The following STK36 variants were observed in gnomAD, a reference collection of about 807,000 sequenced individuals.
STK36 encodes serine/threonine kinase 36, also known as serine/threonine-protein kinase 36.
Under a neutral mutation model 142.2 loss-of-function variants are expected in STK36, and 116 were observed. The ratio of observed to expected loss-of-function variants is 0.82; its 90% CI spans 0.70 to 0.95. STK36 has a LOEUF of 0.95. STK36 is among the 40% of genes least tolerant of loss of function. The probability of loss-of-function intolerance (pLI) is 0.00; values close to 1 mark genes in which losing one functional copy is unlikely to be tolerated. For missense variants in STK36, 1,422 were observed against 1,617.2 expected, an observed-to-expected ratio of 0.88 and a Z score of 2.07; for synonymous variants, 619 against 641.7, an observed-to-expected ratio of 0.96 and a Z score of 0.53.
rs766043209 is a variant in STK36, at chr2:218,699,036, G to A, written c.3492G>A (p.Lys1164=). Residue 1164 remains lysine, a synonymous_variant, in exon 26 of 27, where the codon AAG becomes AAA. Coordinates refer to ENST00000295709, the MANE Select transcript of STK36 (RefSeq NM_015690.5). The part of the protein sequence containing the change: ...LSLLLLGLGD[K]DPVVRCSASF... ...TTCTGCTGCTTGGGCTTGGAGACAA[G>A]GATCCTGTTGTGCGGTGCAGTGCCA... The A allele has an allele frequency of 3.7e-6, 6 of 1,614,160 alleles. No individual in the cohort carries two copies. In the East Asian group the frequency reaches 1.3e-4, roughly 36 times the overall value.
intron 21 of STK36, among the ~76,000 whole-genome samples, chr2:218,695,128 C>T (rs1941175465): frequency 6.6e-6 from 1 of 151,644 alleles, no homozygotes; most frequent in African/African-American, 2.4e-5. Context: ...TTTCCCAGGA[C>T]TTTTCTTCCT....
chr2:218,697,008 TC>T (rs763904399), intron 22 of STK36, 30 bp from the exon 23 acceptor site: 101 of 1,611,080 alleles, frequency 6.3e-5, no homozygotes, highest in Non-Finnish European at 3.1e-5. Context: ...CTTCTGTCTT[TC>T]CCCCCGCCCT....
At chr2:218,672,420 G>A (rs1940025749) in intron 1 of STK36, 2 of 295,830 alleles carry the variant, frequency 6.8e-6, no homozygotes, top group South Asian at 3.7e-5. Context: ...CTGAGAGCGG[G>A]TGCTGAGGAG....
rs1196372955 is a variant in STK36, at chr2:218,685,148, C to T, written c.1300C>T (p.Leu434=). 3 of 1,614,212 alleles carry T rather than the reference C, an allele frequency of 1.9e-6. No individual in the cohort carries two copies. Among genetic ancestry groups the T allele is most frequent in the Non-Finnish European group, 2.5e-6 (3 of 1,180,032 alleles). The change falls in exon 11 of 27, where the codon CTG becomes TTG. Residue 434 remains leucine, a synonymous_variant. Transcript: ENST00000295709. ...GACCACTGAGCCTGTGCCTATTCAA[C>T]TGAAGGCTCCTCTCACCTTGCTGTG... The part of the protein sequence containing the change: ...LETTEPVPIQ[L]KAPLTLLCNP...
intron 11 of STK36, among the ~76,000 whole-genome samples, chr2:218,686,981 T>C (rs1559337250): frequency 6.6e-6 from 1 of 152,256 alleles, no homozygotes; most frequent in African/African-American, 2.4e-5. Flanking sequence ...AGATAGTATC[T>C]CATTGTTATT....
At position 218,694,091 on chromosome 2, in the gene STK36, G is replaced by C; in HGVS notation, c.2336+108G>C. The C allele has an allele frequency of 1.6e-6, 2 of 1,284,042 alleles. No individual in the cohort carries two copies. The highest frequency in any genetic ancestry group is 2.3e-6 in the Non-Finnish European group (2 of 887,140). 79.5% of individuals were successfully genotyped at this position (1,284,042 alleles called of 1,614,324 possible). On this transcript the variant is annotated intron_variant, in intron 19 of 26. Transcript: ENST00000295709. This position sits in a 1 kb window ranked among gnomAD's most constrained non-coding sequence, Gnocchi z 4.4. Reference sequence around the variant, plus strand: ...TACAGCATATCCTTAGGAGGAATTGGGATAGAGAGCGTGAAGCTTTCTCTA... The same window carrying C: ...TACAGCATATCCTTAGGAGGAATTGCGATAGAGAGCGTGAAGCTTTCTCTA...
chr2:218,673,306 T>C (rs916411802), intron 2 of STK36: 4 of 401,674 alleles, frequency 1.0e-5, no homozygotes, highest in African/African-American at 8.1e-5. Context: ...GTAAACCACT[T>C]GAACTCTATT....
chr2:218,677,716 G>A (rs1204343935), intron 6 of STK36, among the ~76,000 whole-genome samples: 6 of 152,236 alleles, frequency 3.9e-5, no homozygotes, highest in Non-Finnish European at 8.8e-5. Context: ...GCAGATGATA[G>A]AGGTGGTGCC....
chr2:218,696,615 T>C lies in STK36; in HGVS notation c.2586+14T>C, dbSNP rs1198082357. 1.9e-6 allele frequency: 3 copies of C among 1,613,442 alleles called. No individual in the cohort carries two copies. The highest frequency in any genetic ancestry group is 1.1e-5 in the South Asian group (1 of 91,078). ...CTCCTCACTGAGGTACAGATGGATC[T>C]TGGGATGGATGGGAAGTAAAGAGAG... On this transcript the variant is annotated intron_variant, in intron 22 of 26. Coordinates refer to ENST00000295709, the MANE Select transcript of STK36 (RefSeq NM_015690.5).
At position 218,697,557 on chromosome 2, in the gene STK36, G is replaced by T. The variant is rs999129737; in HGVS notation, c.2856G>T (p.Met952Ile). 1.2e-6 allele frequency: 2 copies of T among 1,614,218 alleles called. No homozygotes were observed. The highest frequency in any genetic ancestry group is 4.5e-5 in the East Asian group (2 of 44,888). ...TGTCCCAGCATGGAAGTATCCTCAT[G>T]TCCATCCTGAAGCATCTGCTTTGCC... Reference protein sequence around the residue: ...SCLSQHGSILMSILKHLLCPS... With the variant: ...SCLSQHGSILISILKHLLCPS... The change falls in exon 24 of 27, where the codon ATG becomes ATT. Residue 952 changes from methionine to isoleucine, a missense_variant. By Grantham distance (10) the Met-to-Ile change is conservative. This residue lies in a region of STK36 where 962 missense variants were observed against 1,167.5 expected (regional missense o/e 0.82). Coordinates refer to ENST00000295709, the MANE Select transcript of STK36 (RefSeq NM_015690.5).
At chr2:218,680,761 G>T in intron 10 of STK36, 59 bp downstream of exon 10, 1 of 1,472,222 alleles carries the variant, frequency 6.8e-7, no homozygotes, top group Admixed American at 2.0e-5. Context: ...AGTCTAGGTA[G>T]ATGTTTTTCT....
chr2:218,693,162 C>G, intron 16 of STK36, 78 bp from the exon 17 acceptor site: 4 of 1,236,858 alleles, frequency 3.2e-6, no homozygotes, highest in Non-Finnish European at 4.7e-6. Flanking sequence ...ACTGAGAGTC[C>G]TGATCATTTT....
At chr2:218,682,785 G>T (rs1453205241) in intron 10 of STK36, among the ~76,000 whole-genome samples, 2 of 151,976 alleles carry the variant, frequency 1.3e-5, no homozygotes, top group Non-Finnish European at 2.9e-5. Flanking sequence ...TAGAGAGAAG[G>T]TTTCGCCATC....
rs768824307 is a variant in STK36, at chr2:218,685,158, C to T, written c.1310C>T (p.Pro437Leu). ...CCTGTGCCTATTCAACTGAAGGCTC[C>T]TCTCACCTTGCTGTGTAATCCTGAC... ...TEPVPIQLKA[P>L]LTLLCNPDFC... The change falls in exon 11 of 27, where the codon CCT (proline) becomes CTT (leucine). Residue 437 changes from proline to leucine, a missense_variant. Pro to Leu is a moderately conservative substitution (Grantham distance 98, BLOSUM62 -3). Around this residue, in one of 2 missense-constraint regions of STK36, gnomAD observed 962 missense variants for 1,167.5 expected, o/e 0.82. Coordinates refer to ENST00000295709, the MANE Select transcript of STK36 (RefSeq NM_015690.5). 3 of 1,614,068 alleles carry T rather than the reference C, an allele frequency of 1.9e-6. No homozygotes were observed. In the East Asian group the frequency reaches 6.7e-5, roughly 36 times the overall value.
chr2:218,675,959 A>G, intron 5 of STK36, 70 bp from the exon 6 acceptor site: 12 of 1,581,606 alleles, frequency 7.6e-6, no homozygotes, highest in African/African-American at 1.3e-5. Context: ...GGATATCTCT[A>G]TGTTAGGTAG....
intron 14 of STK36, among the ~76,000 whole-genome samples, chr2:218,691,447 C>T (rs1575136627): frequency 6.6e-6 from 1 of 152,224 alleles, no homozygotes; most frequent in Non-Finnish European, 1.5e-5. Context: ...CAGCACTTCT[C>T]ATGTCATATG....
intron 25 of STK36, 142 bp downstream of exon 25, chr2:218,698,143 C>A: frequency 8.4e-7 from 1 of 1,189,982 alleles, no homozygotes; most frequent in Non-Finnish European, 1.2e-6. Flanking sequence ...GGCGTGGAGA[C>A]AGTACTCAGA....
intron 4 of STK36, among the ~76,000 whole-genome samples, chr2:218,674,876 A>G (rs1048510075): frequency 6.6e-6 from 1 of 152,212 alleles, no homozygotes; most frequent in Non-Finnish European, 1.5e-5. Flanking sequence ...CTGGTATTAC[A>G]GGTGTGAGCC....
chr2:218,694,015 G>C lies in STK36; in HGVS notation c.2336+32G>C, dbSNP rs376206046. The C allele has an allele frequency of 1.2e-6, 2 of 1,603,260 alleles. No homozygotes were observed. Among genetic ancestry groups the C allele is most frequent in the Non-Finnish European group, 1.7e-6 (2 of 1,170,160 alleles). ...CATAAAGTAGGGTGTCTCCACAGAAGTCTTCTAGCCACATAGCTAACCCTC... is the reference window on the plus strand; with the variant it reads ...CATAAAGTAGGGTGTCTCCACAGAACTCTTCTAGCCACATAGCTAACCCTC... On this transcript the variant is annotated intron_variant, in intron 19 of 26. Coordinates refer to ENST00000295709, the MANE Select transcript of STK36 (RefSeq NM_015690.5). The surrounding 1 kb of genome is among the most constrained non-coding windows in gnomAD (Gnocchi z 4.4).
Sources: allele counts gnomAD v4.1 joint callset (sites outside exome capture counted in the v4.1 genomes callset), GRCh38; gene constraint gnomAD v4.1.1; regional missense constraint gnomAD v4.1.1; non-coding constraint Gnocchi (gnomAD v3.1); transcripts MANE v1.5; gene names NCBI Gene and HGNC (gene_info 2026-07-23, HGNC 2026-07-21).